UBE4B: variants seen among roughly 807,000 people sequenced by gnomAD.
The protein encoded by UBE4B is ubiquitination factor E4B, also known as ubiquitin conjugation factor E4 B.
UBE4B carries 27 observed loss-of-function variants against 148.1 expected under a neutral mutation model. The observed-to-expected ratio is 0.18, with a 90% CI of 0.13 to 0.25. UBE4B has a LOEUF of 0.25. Among genes scored for constraint, UBE4B ranks in the 10% least tolerant of loss-of-function variants. The pLI is 1.00. For missense variants in UBE4B, 1,170 were observed against 1,662.4 expected (o/e 0.70, Z 5.15); for synonymous variants, 596 against 619.3 (o/e 0.96, Z 0.56).
chr1:10,072,552 A>C (rs1315177726), intron 2 of UBE4B: 4 of 701,018 alleles, frequency 5.7e-6, no homozygotes, highest in Non-Finnish European at 1.0e-5. Flanking sequence ...ATAATCTGAA[A>C]ATGCAAGATT....
Position 10,168,888 on chromosome 1 carries a change from T to A in UBE4B, c.3333+618T>A. Among the ~76,000 whole-genome samples the A allele has an allele frequency of 1.5e-5, 2 of 134,852 alleles. No individual in the cohort carries two copies. Among genetic ancestry groups the A allele is most frequent in the East Asian group, 2.1e-4 (1 of 4,798 alleles). The allele number at this position is 134,852 out of a possible 152,430, so 88.5% of individuals were successfully genotyped here. A position where few individuals can be genotyped will look rare whatever the true frequency, so the allele number is the denominator to read the frequency against. On this transcript the variant is annotated intron_variant, in intron 24 of 27. Transcript: ENST00000343090. The surrounding 1 kb of genome is among the most constrained non-coding windows in gnomAD (Gnocchi z 4.9). ...GCCTGGGCGACAGAGTGAGACTCCA[T>A]CTCAAAAAAAAAAAAAAAAGAAGAA...
At chr1:10,118,431 A>G (rs1645351873) in intron 8 of UBE4B, among the ~76,000 whole-genome samples, 1 of 151,360 alleles carries the variant, frequency 6.6e-6, no homozygotes, top group South Asian at 2.1e-4. Context: ...TCCACCTCCT[A>G]GGTTCAAGCA....
chr1:10,045,250 T>C (rs1570771367), intron 1 of UBE4B, among the ~76,000 whole-genome samples: 2 of 152,142 alleles, frequency 1.3e-5, no homozygotes. Flanking sequence ...GGCCCAGGGG[T>C]TGGGGACCCC....
chr1:10,094,656 A>C (rs568666030), intron 2 of UBE4B, among the ~76,000 whole-genome samples: 26 of 151,830 alleles, frequency 1.7e-4, no homozygotes, highest in Non-Finnish European at 2.8e-4. Flanking sequence ...GGATGGTCTC[A>C]ATCTCCTGAC....
intron 2 of UBE4B, among the ~76,000 whole-genome samples, chr1:10,082,781 A>ATT (rs1644704055): frequency 6.6e-6 from 1 of 151,322 alleles, no homozygotes; most frequent in African/African-American, 2.4e-5. Flanking sequence ...TGCATTAGGT[A>ATT]TTTGTCCTAA....
chr1:10,161,982 C>T lies in UBE4B; in HGVS notation c.3198+696C>T, dbSNP rs1646167919. On this transcript the variant is annotated intron_variant, in intron 23 of 27. Coordinates refer to ENST00000343090, the MANE Select transcript of UBE4B (RefSeq NM_001105562.3). This position sits in a 1 kb window ranked among gnomAD's most constrained non-coding sequence, Gnocchi z 4.1. ...GGTTCTCATGTCAAAGTGGGGACTG[C>T]TTTTTCTTCACTTTTTCTTTTTTTT... 1.3e-5 allele frequency among the ~76,000 whole-genome samples: 2 copies of T among 148,456 alleles called. No homozygotes were observed. The highest frequency in any genetic ancestry group is 5.0e-5 in the African/African-American group (2 of 40,050).
chr1:10,052,271 T>G (rs1278398424), intron 1 of UBE4B, among the ~76,000 whole-genome samples: 1 of 151,868 alleles, frequency 6.6e-6, no homozygotes, highest in Non-Finnish European at 1.5e-5. Flanking sequence ...AGGGTCTCAC[T>G]ATGTTGCCCA....
chr1:10,065,618 T>C (rs1027317150), intron 1 of UBE4B, among the ~76,000 whole-genome samples: 1 of 152,200 alleles, frequency 6.6e-6, no homozygotes, highest in South Asian at 2.1e-4. Context: ...CGATTGCTAG[T>C]GTTCCCATTA....
chr1:10,151,141 C>CT (rs1645968913), intron 20 of UBE4B, among the ~76,000 whole-genome samples, 185 bp from the exon 21 acceptor site: 1 of 150,076 alleles, frequency 6.7e-6, no homozygotes, highest in Non-Finnish European at 1.5e-5. Context: ...CCAGCCTGGG[C>CT]GACAGAGCGA....
Position 10,033,648 on chromosome 1 carries a change from C to T in UBE4B, c.-23C>T. On this transcript the variant is annotated 5_prime_UTR_variant, in exon 1 of 28. Transcript: ENST00000343090. The stretch of plus-strand genomic sequence containing the variant: ...GAACAGAAGGATCTCTCCTTAACGC[C>T]TTTCACCATTAAGAGGAAAGCGATG... 1 of 1,562,038 alleles carries T rather than the reference C, an allele frequency of 6.4e-7. No individual in the cohort carries two copies. Among genetic ancestry groups the T allele is most frequent in the East Asian group, 2.5e-5 (1 of 40,502 alleles).
intron 9 of UBE4B, among the ~76,000 whole-genome samples, chr1:10,121,228 C>T (rs1326117917): frequency 1.3e-5 from 2 of 151,792 alleles, no homozygotes; most frequent in African/African-American, 2.4e-5. Flanking sequence ...TGGTGGCAGG[C>T]GCCTGTAGTC....
chr1:10,081,136 C>T (rs1043728831), intron 2 of UBE4B, among the ~76,000 whole-genome samples: 1 of 152,168 alleles, frequency 6.6e-6, no homozygotes, highest in Non-Finnish European at 1.5e-5. Flanking sequence ...GATCTTGGCT[C>T]ACCGCAACCT....
intron 25 of UBE4B, among the ~76,000 whole-genome samples, chr1:10,175,405 A>T (rs372184745): frequency 7.9e-5 from 12 of 152,232 alleles, no homozygotes; most frequent in African/African-American, 2.9e-4. Flanking sequence ...TAATCCCAGC[A>T]CTTTGGGAGG....
chr1:10,108,250 G>A (rs1337809850), intron 7 of UBE4B, among the ~76,000 whole-genome samples: 1 of 140,522 alleles, frequency 7.1e-6, no homozygotes, highest in African/African-American at 2.7e-5. Context: ...GCAATCCATC[G>A]AAGAACATAT....
intron 1 of UBE4B, among the ~76,000 whole-genome samples, chr1:10,035,051 T>A (rs1570750736): frequency 1.3e-5 from 2 of 152,244 alleles, no homozygotes; most frequent in South Asian, 4.1e-4. Context: ...CAGGCTGCAG[T>A]GCAGTGGCGC....
intron 8 of UBE4B, among the ~76,000 whole-genome samples, chr1:10,118,648 G>A (rs1645356105): frequency 6.6e-6 from 1 of 151,818 alleles, no homozygotes; most frequent in Non-Finnish European, 1.5e-5. Flanking sequence ...GAGATTACAG[G>A]CATGAGCCAC....
chr1:10,178,522 A>C lies in UBE4B; in HGVS notation c.3526-122A>C, dbSNP rs1003884861. 2.3e-5 allele frequency: 23 copies of C among 981,484 alleles called. No homozygotes were observed. In the African/African-American group the frequency reaches 3.5e-4, roughly 15 times the overall value. The allele number at this position is 981,484 out of a possible 1,614,324, so 60.8% of individuals were successfully genotyped here. ...TATAAAATATATAAGTGTATATATA[A>C]TTTTAGGGCTTTTTTAGTGGGGGAA... is the stretch of plus-strand genomic sequence containing the variant. On this transcript the variant is annotated intron_variant, in intron 25 of 27. Transcript: ENST00000343090.
intron 2 of UBE4B, among the ~76,000 whole-genome samples, chr1:10,083,415 T>C (rs1003464272): frequency 2.0e-5 from 3 of 152,214 alleles, no homozygotes; most frequent in Non-Finnish European, 4.4e-5. Context: ...TTAATGAACA[T>C]TATGATTGCT....
rs199556580 is a variant in UBE4B, at chr1:10,130,632, A to G, written c.1812+16A>G. The G allele has an allele frequency of 6.8e-5, 109 of 1,612,266 alleles. No individual in the cohort carries two copies. The highest frequency in any genetic ancestry group is 8.0e-5 in the Non-Finnish European group (94 of 1,178,298). On this transcript the variant is annotated intron_variant, in intron 13 of 27. Coordinates refer to ENST00000343090, the MANE Select transcript of UBE4B (RefSeq NM_001105562.3). ...AGAAGATGATGTAAGTATAGTGGCT[A>G]CTTGTACTTTGCTGCCCTTTTATTC...
Sources: allele counts gnomAD v4.1 joint callset (sites outside exome capture counted in the v4.1 genomes callset), GRCh38; gene constraint gnomAD v4.1.1; non-coding constraint Gnocchi (gnomAD v3.1); transcripts MANE v1.5; gene names NCBI Gene and HGNC (gene_info 2026-07-23, HGNC 2026-07-21).